Variants in CCN5 observed in about 807,000 individuals in gnomAD.
CCN5 encodes CCN family member 5.
A neutral mutation model predicts 18.7 loss-of-function variants in CCN5; 17 were observed. The ratio of observed to expected loss-of-function variants is 0.91; its 90% CI spans 0.62 to 1.36. The LOEUF (loss-of-function observed/expected upper bound fraction) is 1.36. Among genes scored for constraint, CCN5 ranks in the 40% most tolerant of loss-of-function variants. The pLI, the probability that CCN5 is intolerant of heterozygous loss-of-function variation, is 0.00. For synonymous variants in CCN5, 135 were observed against 145.2 expected (o/e 0.93, Z 0.50); for missense variants, 367 against 342.9 (o/e 1.07, Z -0.56).
chr20:44,720,231 T>A, intron 2 of CCN5, 118 bp downstream of exon 2: 1 of 1,073,528 alleles, frequency 9.3e-7, no homozygotes, highest in South Asian at 1.4e-5. Context: ...ACTTCAGGTA[T>A]CCCATCCATT....
intron 1 of CCN5, among the ~76,000 whole-genome samples, chr20:44,716,085 G>T (rs1265710167): frequency 1.3e-5 from 2 of 152,212 alleles, no homozygotes; most frequent in African/African-American, 4.8e-5. Context: ...GGCTCAGAAA[G>T]GGTAAGCAAC....
At position 44,727,559 on chromosome 20, in the gene CCN5, G is replaced by T; in HGVS notation, c.*252G>T. On this transcript the variant is annotated 3_prime_UTR_variant, in exon 4 of 4. Coordinates refer to ENST00000190983, the MANE Select transcript of CCN5 (RefSeq NM_003881.4). The stretch of plus-strand genomic sequence containing the variant: ...CCTAGGAGGCTGGCCAAGGTGTCCA[G>T]GGTCCTCTAGCCCACTCCCTGCCTA... The T allele has an allele frequency of 7.4e-7, 1 of 1,353,086 alleles. No homozygotes were observed. The allele number at this position is 1,353,086 out of a possible 1,614,324, so 83.8% of individuals were successfully genotyped here.
chr20:44,719,865 C>T (rs2065884982), intron 1 of CCN5, 32 bp from the exon 2 acceptor site: 2 of 1,599,712 alleles, frequency 1.3e-6, no homozygotes, highest in South Asian at 1.1e-5. Context: ...ACCTCGAAAG[C>T]CCGTGGCTGA....
At position 44,720,454 on chromosome 20, in the gene CCN5, T is replaced by C. The variant is rs2065891604; in HGVS notation, c.277+341T>C. 3 of 393,464 alleles carry C rather than the reference T, an allele frequency of 7.6e-6. No individual in the cohort carries two copies. In the South Asian group the frequency reaches 9.2e-5, roughly 12 times the overall value. The allele number at this position is 393,464 out of a possible 1,614,324, so 24.4% of individuals were successfully genotyped here. Reference sequence around the variant, plus strand: ...TGCCACCACTCCCTTCTCAGGATCCTTACAACACTTTGGGGAAAATAAAAG... The same window carrying C: ...TGCCACCACTCCCTTCTCAGGATCCCTACAACACTTTGGGGAAAATAAAAG... On this transcript the variant is annotated intron_variant, in intron 2 of 3. Coordinates refer to ENST00000190983, the MANE Select transcript of CCN5 (RefSeq NM_003881.4).
Position 44,724,792 on chromosome 20 carries a change from A to G in CCN5, c.332A>G (p.Glu111Gly). 6.2e-7 allele frequency: 1 copy of G among 1,612,644 alleles called. No individual in the cohort carries two copies. The highest frequency in any genetic ancestry group is 1.1e-5 in the South Asian group (1 of 91,034). Residue 111 changes from glutamate (E) to glycine (G), a missense_variant, in exon 3 of 4, where the codon GAG becomes GGG. Glu to Gly is a moderately conservative substitution (Grantham distance 98). Transcript: ENST00000190983. ...AACGGCCGCCTGTATCGGGAAGGGG[A>G]GACCTTCCAGCCCCACTGCAGCATC... is the stretch of plus-strand genomic sequence containing the variant. ...EVNGRLYREG[E>G]TFQPHCSIRC...
rs6094029 is a variant in CCN5 at position 44,727,535 on chromosome 20, C to T, written c.*228C>T. ...AGTCCCCTTTCCTCTAACTCACTGCCTAGGAGGCTGGCCAAGGTGTCCAGG... is the reference window on the plus strand; with the variant it reads ...AGTCCCCTTTCCTCTAACTCACTGCTTAGGAGGCTGGCCAAGGTGTCCAGG... On this transcript the variant is annotated 3_prime_UTR_variant, in exon 4 of 4. Transcript: ENST00000190983. 1 of 1,375,188 alleles carries T rather than the reference C, an allele frequency of 7.3e-7. No individual in the cohort carries two copies. The highest frequency in any genetic ancestry group is 3.6e-5 in the Admixed American group (1 of 27,574). 85.2% of individuals were successfully genotyped at this position (1,375,188 alleles called of 1,614,324 possible).
chr20:44,721,744 C>T (rs1050842842), intron 2 of CCN5, among the ~76,000 whole-genome samples: 1 of 152,110 alleles, frequency 6.6e-6, no homozygotes, highest in Admixed American at 6.5e-5. Flanking sequence ...CTTGCACAGC[C>T]CTTACCACGT....
Position 44,725,005 on chromosome 20 carries a change from G to A in CCN5, c.532+13G>A. 6.4e-7 allele frequency: 1 copy of A among 1,555,656 alleles called. No individual in the cohort carries two copies. Among genetic ancestry groups the A allele is most frequent in the Admixed American group, 1.9e-5 (1 of 51,746 alleles). Reference sequence around the variant, plus strand: ...CTTCCAGCCCAAGGTGAGCGCAGCGGTGGTCCAGGTCAGGGCAGGACTGCC... The same window carrying A: ...CTTCCAGCCCAAGGTGAGCGCAGCGATGGTCCAGGTCAGGGCAGGACTGCC... On this transcript the variant is annotated intron_variant, in intron 3 of 3. Transcript: ENST00000190983.
chr20:44,717,904 GAAAA>G (rs1186354005), intron 1 of CCN5, among the ~76,000 whole-genome samples: 3 of 149,002 alleles, frequency 2.0e-5, no homozygotes, highest in African/African-American at 5.0e-5. Flanking sequence ...AAAAAAGAAA[GAAAA>G]AGAAAAGAAA....
intron 3 of CCN5, 93 bp downstream of exon 3, chr20:44,725,085 C>A: frequency 2.1e-6 from 3 of 1,414,268 alleles, no homozygotes; most frequent in Non-Finnish European, 2.8e-6. Flanking sequence ...TCCTGGGTAC[C>A]AGGACCCAGG....
Position 44,727,378 on chromosome 20 carries a change from G to A in CCN5, c.*71G>A. ...TGGCCCTGTGCCTGGGCCCTGGGCT[G>A]ATGGAAGATGGTCCGTGCCCAGGCC... On this transcript the variant is annotated 3_prime_UTR_variant, in exon 4 of 4. Transcript: ENST00000190983. 1 of 1,504,026 alleles carries A rather than the reference G, an allele frequency of 6.6e-7. No homozygotes were observed. The allele number at this position is 1,504,026 out of a possible 1,614,324, so 93.2% of individuals were successfully genotyped here. A position where few individuals can be genotyped will look rare whatever the true frequency, so the allele number is the denominator to read the frequency against.
Position 44,727,223 on chromosome 20 carries a change from C to T in CCN5, c.669C>T (p.Cys223=). ...ATRVSNQNRF[C]RLETQRRLCL... is the part of the protein sequence containing the mutation. ...GGGTGTCCAACCAGAACCGCTTCTG[C>T]CGACTGGAGACCCAGCGCCGCCTGT... Residue 223 remains cysteine, a synonymous_variant, in exon 4 of 4, where the codon TGC becomes TGT. Coordinates refer to ENST00000190983, the MANE Select transcript of CCN5 (RefSeq NM_003881.4). 6.2e-7 allele frequency: 1 copy of T among 1,613,660 alleles called. No individual in the cohort carries two copies. Among genetic ancestry groups the T allele is most frequent in the Non-Finnish European group, 8.5e-7 (1 of 1,180,016 alleles).
Position 44,720,118 on chromosome 20 carries a change from G to C in CCN5, c.277+5G>C, listed in dbSNP as rs777819123. On this transcript the variant is annotated splice_donor_5th_base_variant and intron_variant, in intron 2 of 3. Transcript: ENST00000190983. Reference sequence around the variant, plus strand: ...GCCGGGGGGCCCTGTGCCTCTGTAAGCAGGTTTGCAGGACTGAGTGGGGGC... The same window carrying C: ...GCCGGGGGGCCCTGTGCCTCTGTAACCAGGTTTGCAGGACTGAGTGGGGGC... 2.1e-5 allele frequency: 33 copies of C among 1,542,406 alleles called. No individual in the cohort carries two copies. Among genetic ancestry groups the C allele is most frequent in the Non-Finnish European group, 2.9e-5 (33 of 1,150,044 alleles).
intron 2 of CCN5, chr20:44,720,544 C>A: frequency 4.8e-6 from 1 of 207,670 alleles, no homozygotes; most frequent in Non-Finnish European, 9.4e-6. Context: ...CAAGTCACAT[C>A]ATCCTCACAA....
In CCN5 at chr20:44,727,330, C is replaced by T. The variant is rs74174917; in HGVS notation, c.*23C>T. ...TAGAGCCGGGCTGGGAATGGGGACA[C>T]GGTGTCCACCATCCCCAGCTGGTGG... On this transcript the variant is annotated 3_prime_UTR_variant, in exon 4 of 4. Coordinates refer to ENST00000190983, the MANE Select transcript of CCN5 (RefSeq NM_003881.4). The T allele has an allele frequency of 1.9e-3, 3,047 of 1,589,068 alleles. 3 individuals are homozygous for T. Among genetic ancestry groups the T allele is most frequent in the Non-Finnish European group, 2.5e-3 (2,927 of 1,165,204 alleles).
chr20:44,720,279 C>T, intron 2 of CCN5, 166 bp downstream of exon 2: 2 of 699,212 alleles, frequency 2.9e-6, no homozygotes, highest in Non-Finnish European at 4.8e-6. Context: ...ACTCCCCACT[C>T]CCTCCTCTCC....
chr20:44,715,278 C>T (rs538221802), upstream of CCN5: 86 of 777,758 alleles, frequency 1.1e-4, 2 homozygotes, highest in Admixed American at 2.8e-4. Flanking sequence ...CGCGCGCGCG[C>T]GCGTGTGTAC....
At chr20:44,716,550 G>A (rs2065861099) in intron 1 of CCN5, 1 of 152,400 alleles carries the variant, frequency 6.6e-6, no homozygotes, top group African/African-American at 2.4e-5. Flanking sequence ...TGGGGCTCTA[G>A]GAGGGAGAAG....
At chr20:44,725,964 A>G (rs572339425) in intron 3 of CCN5, among the ~76,000 whole-genome samples, 9 of 152,370 alleles carry the variant, frequency 5.9e-5, no homozygotes, top group African/African-American at 2.2e-4. Flanking sequence ...GCCACCCACA[A>G]GAGGTAGTCA....
Sources: gnomAD v4.1 joint callset for allele counts (sites outside exome capture counted in the v4.1 genomes callset) on GRCh38, gnomAD v4.1.1 for gene constraint, MANE v1.5 for transcripts, NCBI Gene and HGNC (gene_info 2026-07-23, HGNC 2026-07-21) for gene names.